OCA2: variants seen among roughly 807,000 people sequenced by gnomAD.
OCA2 encodes P protein.
A neutral mutation model predicts 100.2 loss-of-function variants in OCA2; 77 were observed. The ratio of observed to expected loss-of-function variants is 0.77; its 90% CI spans 0.64 to 0.93. OCA2 has a LOEUF of 0.93. Ranked by LOEUF, OCA2 falls within the 40% of genes least tolerant of loss-of-function variation. OCA2 has a pLI of 0.00. For synonymous variants in OCA2, 432 were observed against 439.2 expected (o/e 0.98, Z 0.21); for missense variants, 1,062 against 1,089.1 (o/e 0.98, Z 0.35).
chr15:27,761,431 C>CTGTGTGCTGTAAGTTACAAAA (rs1363451581), intron 23 of OCA2, among the ~76,000 whole-genome samples: 1 of 150,806 alleles, frequency 6.6e-6, no homozygotes, highest in Admixed American at 6.6e-5. Flanking sequence ...ACACCAGCAT[C>CTGTGTGCTGTAAGTTACAAAA]TGTGTGCTGT....
At chr15:27,941,945 AG>A (rs1403590256) in intron 18 of OCA2, among the ~76,000 whole-genome samples, 9 of 152,190 alleles carry the variant, frequency 5.9e-5, no homozygotes, top group Admixed American at 2.0e-4. Flanking sequence ...TGCAAATCAA[AG>A]CTGTAATGAA....
rs2042603166 is a variant in OCA2 at position 28,021,824 on chromosome 15, C to CT, written c.646+676dup. On this transcript the variant is annotated intron_variant, in intron 6 of 23. Transcript: ENST00000354638. The stretch of plus-strand genomic sequence containing the variant: ...GAAGGTAGGAGGGGAAAAAGTAGCT[C>CT]TTACCCCAGTGGGAGGGGTGGGCAT... Among the ~76,000 whole-genome samples, 3 of 152,190 alleles carry CT rather than the reference C, an allele frequency of 2.0e-5. No individual in the cohort carries two copies. The South Asian group carries it at 6.2e-4, about 31-fold the overall frequency.
intron 18 of OCA2, among the ~76,000 whole-genome samples, chr15:27,942,599 T>C (rs947547661): frequency 9.9e-5 from 15 of 152,138 alleles, no homozygotes; most frequent in African/African-American, 3.4e-4. Context: ...ACAATGGTTG[T>C]ACAACTTTGT....
At chr15:27,903,091 C>T (rs4778130) in intron 19 of OCA2, among the ~76,000 whole-genome samples, 44,514 of 152,144 alleles carry the variant, frequency 0.29, 7,110 homozygotes, top group East Asian at 0.62. Flanking sequence ...AGAGAAGCCC[C>T]GAGATCTGCG....
the OCA2 span, among the ~76,000 whole-genome samples, chr15:27,725,363 G>A: frequency 1.3e-5 from 2 of 152,190 alleles, no homozygotes; most frequent in African/African-American, 4.8e-5. Flanking sequence ...GATCACCTGA[G>A]GTCAGGAGTT....
intron 2 of OCA2, among the ~76,000 whole-genome samples, chr15:28,052,902 G>A (rs929411095): frequency 2.0e-5 from 3 of 152,180 alleles, no homozygotes; most frequent in East Asian, 1.9e-4. Flanking sequence ...ACTCAGGCAC[G>A]TAAGACTCTG....
chr15:27,986,038 T>C (rs2041342387), intron 12 of OCA2, among the ~76,000 whole-genome samples: 1 of 152,176 alleles, frequency 6.6e-6, no homozygotes, highest in Non-Finnish European at 1.5e-5. Context: ...AAATAATATA[T>C]ATTCAAGCAC....
At chr15:27,767,175 T>G (rs59165721) in intron 23 of OCA2, among the ~76,000 whole-genome samples, 3,574 of 152,316 alleles carry the variant, frequency 0.023, 143 homozygotes, top group African/African-American at 0.081. Context: ...AAGCTACAGA[T>G]GGTCTTACAA....
chr15:28,083,739 AAG>A (rs545071158), intron 1 of OCA2, among the ~76,000 whole-genome samples: 1 of 152,134 alleles, frequency 6.6e-6, no homozygotes, highest in Non-Finnish European at 1.5e-5. Context: ...ATGACAAGCC[AAG>A]AGAGAGAGAC....
intron 21 of OCA2, among the ~76,000 whole-genome samples, chr15:27,863,132 G>A (rs2036198208): frequency 6.6e-6 from 1 of 152,068 alleles, no homozygotes; most frequent in Non-Finnish European, 1.5e-5. Context: ...GCAACTAACT[G>A]GGCAGGGGCA....
At chr15:27,806,158 C>T (rs1227069753) in intron 23 of OCA2, among the ~76,000 whole-genome samples, 5 of 152,226 alleles carry the variant, frequency 3.3e-5, no homozygotes, top group Non-Finnish European at 5.9e-5. Flanking sequence ...GATGCTCCGC[C>T]CTCCGCGGGT....
intron 2 of OCA2, among the ~76,000 whole-genome samples, chr15:28,070,633 T>A (rs2044227081): frequency 6.8e-6 from 1 of 146,920 alleles, no homozygotes; most frequent in Non-Finnish European, 1.5e-5. Context: ...GGAGCCCCTC[T>A]GCCCGGCCAC....
chr15:28,019,788 TTCTC>T lies in OCA2; in HGVS notation c.647-1235_647-1232del, dbSNP rs574974815. ...ACCTCACGCCTATACTGCACGCCCT[TTCTC>T]AGGGAATCACCTTGTGGGGGGCAGG... On this transcript the variant is annotated intron_variant, in intron 6 of 23. Coordinates refer to ENST00000354638, the MANE Select transcript of OCA2 (RefSeq NM_000275.3). Among the ~76,000 whole-genome samples the T allele has an allele frequency of 2.5e-3, 383 of 152,232 alleles. 1 individual carries two copies. The highest frequency in any genetic ancestry group is 3.8e-3 in the Non-Finnish European group (261 of 68,006).
rs199602885 is a variant in OCA2 at position 27,926,184 on chromosome 15, T to C, written c.2022A>G (p.Leu674=). The change falls in exon 19 of 24, where the codon CTA becomes CTG. Residue 674 remains leucine, a synonymous_variant. Transcript: ENST00000354638. The part of the protein sequence containing the change: ...LADIHDFEII[L]HRVEWATLLF... ...GAAGGGTTGCCCATTCCACTCTGTG[T>C]AGAATTATCTCAAAATCATGAATAT... is the stretch of plus-strand genomic sequence containing the variant. The C allele has an allele frequency of 2.7e-5, 43 of 1,613,998 alleles. No homozygotes were observed. The highest frequency in any genetic ancestry group is 3.6e-5 in the Non-Finnish European group (42 of 1,179,984).
chr15:27,808,234 C>T (rs941843520), intron 23 of OCA2, among the ~76,000 whole-genome samples: 6 of 152,224 alleles, frequency 3.9e-5, no homozygotes, highest in African/African-American at 1.2e-4. Flanking sequence ...AGAACTCCCA[C>T]GTGTGCAGCA....
At chr15:27,756,801 C>T (rs1304318235) in intron 23 of OCA2, among the ~76,000 whole-genome samples, 1 of 152,156 alleles carries the variant, frequency 6.6e-6, no homozygotes, top group East Asian at 1.9e-4. Flanking sequence ...GCAAATTTGC[C>T]TGCCAAGGGG....
chr15:27,988,022 C>T (rs754495942), intron 11 of OCA2, among the ~76,000 whole-genome samples: 22 of 152,078 alleles, frequency 1.4e-4, no homozygotes, highest in African/African-American at 1.9e-4. Context: ...GACGGTGGAG[C>T]GTGGGGCTTC....
chr15:27,904,603 T>C (rs1259639410), intron 19 of OCA2, among the ~76,000 whole-genome samples: 1 of 152,130 alleles, frequency 6.6e-6, no homozygotes, highest in Non-Finnish European at 1.5e-5. Context: ...TCACTGATCA[T>C]GGGGCTTGGT....
chr15:27,965,076 T>A (rs2040522137), intron 15 of OCA2, among the ~76,000 whole-genome samples: 1 of 152,180 alleles, frequency 6.6e-6, no homozygotes, highest in Non-Finnish European at 1.5e-5. Flanking sequence ...AAAATCTGCA[T>A]ATACAACAAT....
Sources: gnomAD v4.1 joint callset for allele counts (sites outside exome capture counted in the v4.1 genomes callset) on GRCh38, gnomAD v4.1.1 for gene constraint, MANE v1.5 for transcripts, NCBI Gene and HGNC (gene_info 2026-07-23, HGNC 2026-07-21) for gene names.